LAMB1: variants seen among roughly 807,000 people sequenced by gnomAD.
The protein encoded by LAMB1 is laminin subunit beta 1.
In LAMB1, 121 loss-of-function variants were observed where a neutral mutation model predicts 222.3. That is an observed-to-expected ratio of 0.54 (90% CI 0.47 to 0.63). The LOEUF is 0.63. LAMB1 is among the 30% of genes least tolerant of loss of function. The pLI is 0.00. For missense variants in LAMB1, 2,172 were observed against 2,240.8 expected (o/e 0.97, Z 0.62); for synonymous variants, 794 against 807.2 (o/e 0.98, Z 0.28).
intron 5 of LAMB1, among the ~76,000 whole-genome samples, chr7:107,992,029 T>C (rs1187110730): frequency 6.6e-6 from 1 of 152,130 alleles, no homozygotes; most frequent in Non-Finnish European, 1.5e-5. Flanking sequence ...GCTTTTCTAC[T>C]TTCCTTTCCT....
Position 107,975,717 on chromosome 7 carries a change from C to G in LAMB1, c.1161G>C (p.Arg387Ser). 6.2e-7 allele frequency: 1 copy of G among 1,612,128 alleles called. No homozygotes were observed. The highest frequency in any genetic ancestry group is 1.1e-5 in the South Asian group (1 of 90,822). ...CKPFYYQHPERDIRDPNFCER... is the reference protein window; with the variant it reads ...CKPFYYQHPESDIRDPNFCER... The stretch of plus-strand genomic sequence containing the variant: ...CACAGAAATTAGGATCTCGGATGTC[C>G]CTCTCTGGGTGCTGGTAGTAAAACG... Residue 387 changes from arginine to serine, a missense_variant, in exon 10 of 34, where the codon AGG becomes AGC. Coordinates refer to ENST00000222399, the MANE Select transcript of LAMB1 (RefSeq NM_002291.3).
chr7:107,952,617 A>G (rs1371948559), intron 22 of LAMB1, among the ~76,000 whole-genome samples: 3 of 152,252 alleles, frequency 2.0e-5, no homozygotes, highest in East Asian at 3.8e-4. Context: ...CGTGTTGGAC[A>G]TAGCAGGTAA....
At chr7:107,994,067 G>A (rs1018247332) in intron 5 of LAMB1, among the ~76,000 whole-genome samples, 3 of 152,152 alleles carry the variant, frequency 2.0e-5, no homozygotes, top group Admixed American at 1.3e-4. Flanking sequence ...ATCCTGAGAG[G>A]GTGTAGATAA....
intron 13 of LAMB1, among the ~76,000 whole-genome samples, chr7:107,968,433 C>T (rs2033676894): frequency 6.6e-6 from 1 of 152,142 alleles, no homozygotes; most frequent in African/African-American, 2.4e-5. Context: ...TCCCTGTTAT[C>T]TGTGGGATGT....
chr7:107,944,372 G>A (rs999488008), intron 24 of LAMB1, among the ~76,000 whole-genome samples: 19 of 152,276 alleles, frequency 1.2e-4, no homozygotes, highest in African/African-American at 4.1e-4. Flanking sequence ...ATTAGCCTGG[G>A]TAAGAGTTCC....
At chr7:107,939,185 A>G (rs2032919724) in intron 25 of LAMB1, among the ~76,000 whole-genome samples, 1 of 152,038 alleles carries the variant, frequency 6.6e-6, no homozygotes, top group South Asian at 2.1e-4. Flanking sequence ...CTTAGGTCTT[A>G]TTGTGCTGTT....
At chr7:107,960,095 C>G (rs1240113971) in intron 18 of LAMB1, among the ~76,000 whole-genome samples, 2 of 152,140 alleles carry the variant, frequency 1.3e-5, no homozygotes, top group African/African-American at 4.8e-5. Flanking sequence ...GCCCAGTGAC[C>G]TTCAGAGGAT....
chr7:108,002,151 G>T, intron 2 of LAMB1: 1 of 1,445,036 alleles, frequency 6.9e-7, no homozygotes, highest in Non-Finnish European at 9.2e-7. Context: ...CCGCGTGCAC[G>T]CGGCAGCCCG....
Position 107,955,650 on chromosome 7 carries a change from G to GAACA in LAMB1, c.2691-24_2691-21dup. On this transcript the variant is annotated intron_variant, in intron 20 of 33. Coordinates refer to ENST00000222399, the MANE Select transcript of LAMB1 (RefSeq NM_002291.3). ...AAGCACCTGCATCAGTCACAGAAGA[G>GAACA]AACAGGCCATGACCCCACAGTTCTA... is the stretch of plus-strand genomic sequence containing the variant. 1 of 1,603,036 alleles carries GAACA rather than the reference G, an allele frequency of 6.2e-7. No homozygotes were observed. The highest frequency in any genetic ancestry group is 8.5e-7 in the Non-Finnish European group (1 of 1,174,172).
intron 3 of LAMB1, among the ~76,000 whole-genome samples, chr7:108,000,613 C>G (rs575049157): frequency 6.6e-6 from 1 of 152,206 alleles, no homozygotes; most frequent in Admixed American, 6.5e-5. Flanking sequence ...GACTGATTAT[C>G]GCTTACTGCA....
rs2032816386 is a variant in LAMB1, at chr7:107,935,343, C to CTTTTTT, written c.4188+71_4188+72insAAAAAA. On this transcript the variant is annotated intron_variant, in intron 27 of 33. Coordinates refer to ENST00000222399, the MANE Select transcript of LAMB1 (RefSeq NM_002291.3). The stretch of plus-strand genomic sequence containing the variant: ...TAATGACAAAAGATGGTTTGTTTTT[C>CTTTTTT]TTTGTTTTTTTTTTTTTTTTTTTTT... 1.3e-5 allele frequency: 18 copies of CTTTTTT among 1,371,960 alleles called. No individual in the cohort carries two copies. The African/African-American group carries it at 2.6e-4, about 20-fold the overall frequency. 85.0% of individuals were successfully genotyped at this position (1,371,960 alleles called of 1,614,324 possible). A position where few individuals can be genotyped will look rare whatever the true frequency, so the allele number is the denominator to read the frequency against.
At chr7:107,943,273 T>C (rs560066173) in intron 24 of LAMB1, among the ~76,000 whole-genome samples, 1 of 152,228 alleles carries the variant, frequency 6.6e-6, no homozygotes, top group Non-Finnish European at 1.5e-5. Context: ...ATATTGTTTT[T>C]ATCCAGTTGT....
At chr7:107,998,767 T>G (rs1466656723) in intron 3 of LAMB1, among the ~76,000 whole-genome samples, 2 of 152,170 alleles carry the variant, frequency 1.3e-5, no homozygotes, top group Non-Finnish European at 2.9e-5. Context: ...TTAACCAAAA[T>G]CAAATTTCTA....
chr7:107,955,372 T>G, intron 21 of LAMB1, 95 bp downstream of exon 21: 1 of 1,072,056 alleles, frequency 9.3e-7, no homozygotes, highest in Non-Finnish European at 1.3e-6. Context: ...GTAGACTTAA[T>G]TGGTTCACTT....
chr7:108,001,888 G>A, intron 2 of LAMB1, 155 bp from the exon 3 acceptor site: 1 of 1,471,380 alleles, frequency 6.8e-7, no homozygotes, highest in Admixed American at 2.4e-5. Flanking sequence ...AGAGATGAGC[G>A]CAGGAGAGGC....
intron 26 of LAMB1, among the ~76,000 whole-genome samples, chr7:107,935,990 A>G (rs538359687): frequency 7.4e-4 from 112 of 152,288 alleles, no homozygotes; most frequent in African/African-American, 2.5e-3. Context: ...ACTTTTCTCA[A>G]TCCTTTATTC....
intron 13 of LAMB1, among the ~76,000 whole-genome samples, chr7:107,972,592 AAAAAAAAG>A (rs2033770994): frequency 6.6e-6 from 1 of 152,214 alleles, no homozygotes; most frequent in East Asian, 1.9e-4. Flanking sequence ...AGTCACAAAA[AAAAAAAAG>A]AAAAAAAGAA....
intron 24 of LAMB1, among the ~76,000 whole-genome samples, chr7:107,941,907 C>T (rs2032996538): frequency 7.2e-6 from 1 of 139,634 alleles, no homozygotes; most frequent in African/African-American, 2.7e-5. Flanking sequence ...GAACTCCCGA[C>T]CTCAGGTGAT....
intron 7 of LAMB1, 28 bp from the exon 8 acceptor site, chr7:107,980,839 G>A (rs780092088): frequency 8.6e-5 from 122 of 1,415,884 alleles, no homozygotes; most frequent in Non-Finnish European, 1.1e-4. Flanking sequence ...AAGATGAAAA[G>A]TCTGATCAGA....
Sources: gnomAD v4.1 joint callset for allele counts (sites outside exome capture counted in the v4.1 genomes callset) on GRCh38, gnomAD v4.1.1 for gene constraint, MANE v1.5 for transcripts, NCBI Gene and HGNC (gene_info 2026-07-23, HGNC 2026-07-21) for gene names.